PITPNC1: variants seen among roughly 807,000 people sequenced by gnomAD.
The protein encoded by PITPNC1 is phosphatidylinositol transfer protein cytoplasmic 1.
In PITPNC1, 18 loss-of-function variants were observed where a neutral mutation model predicts 44.7. That is an observed-to-expected ratio of 0.40 (90% CI 0.28 to 0.60). The LOEUF (loss-of-function observed/expected upper bound fraction) is 0.60. PITPNC1 is among the 20% of genes least tolerant of loss of function. The pLI, the probability that PITPNC1 is intolerant of heterozygous loss-of-function variation, is 0.39. For synonymous variants in PITPNC1, 141 were observed against 149.6 expected (o/e 0.94, Z 0.42); for missense variants, 290 against 418.4 (o/e 0.69, Z 2.68).
intron 1 of PITPNC1, chr17:67,459,714 T>G (rs2039308964): frequency 6.6e-6 from 1 of 152,200 alleles, no homozygotes; most frequent in Non-Finnish European, 1.5e-5. Flanking sequence ...GGGCATCACT[T>G]TCTATGCTGT....
chr17:67,409,511 C>T (rs1380015503), intron 1 of PITPNC1, among the ~76,000 whole-genome samples: 1 of 152,088 alleles, frequency 6.6e-6, no homozygotes, highest in Non-Finnish European at 1.5e-5. Context: ...GAAATTGCTG[C>T]ATATAACTAC....
intron 8 of PITPNC1, among the ~76,000 whole-genome samples, chr17:67,679,442 C>A (rs918470960): frequency 2.6e-5 from 4 of 152,224 alleles, no homozygotes; most frequent in African/African-American, 4.8e-5. Flanking sequence ...TTTGCCTCCT[C>A]TGCTGTGTGT....
At chr17:67,478,550 T>C (rs1598723827) in intron 1 of PITPNC1, among the ~76,000 whole-genome samples, 1 of 152,204 alleles carries the variant, frequency 6.6e-6, no homozygotes, top group East Asian at 1.9e-4. Context: ...ATTTCTCCTC[T>C]TTTCCAAGCT....
At chr17:67,384,478 T>G (rs2143783916) in intron 1 of PITPNC1, among the ~76,000 whole-genome samples, 1 of 150,886 alleles carries the variant, frequency 6.6e-6, no homozygotes, top group East Asian at 2.0e-4. Flanking sequence ...CAGGCCAGAG[T>G]GCAGTGGCGC....
intron 5 of PITPNC1, among the ~76,000 whole-genome samples, chr17:67,579,299 T>G (rs991915766): frequency 1.3e-5 from 2 of 152,234 alleles, no homozygotes; most frequent in Admixed American, 6.5e-5. Flanking sequence ...AAGCCTCACC[T>G]GGGATTAGGC....
chr17:67,428,528 A>G (rs907439213), intron 1 of PITPNC1, among the ~76,000 whole-genome samples: 1 of 150,802 alleles, frequency 6.6e-6, no homozygotes, highest in Non-Finnish European at 1.5e-5. Context: ...GTGAGACCCT[A>G]TCTCAAAAAG....
intron 1 of PITPNC1, among the ~76,000 whole-genome samples, chr17:67,464,150 G>A (rs977160276): frequency 1.4e-4 from 21 of 150,958 alleles, no homozygotes; most frequent in South Asian, 4.2e-4. Context: ...CAGAGATCAC[G>A]CCACTGCACT....
intron 8 of PITPNC1, among the ~76,000 whole-genome samples, chr17:67,686,429 T>C (rs1203753457): frequency 2.0e-5 from 3 of 151,926 alleles, no homozygotes; most frequent in African/African-American, 7.3e-5. Context: ...TATTTTTAGA[T>C]CAGTGTGGGT....
intron 7 of PITPNC1, 54 bp downstream of exon 7, chr17:67,669,717 G>A (rs2042480585): frequency 2.3e-6 from 3 of 1,302,336 alleles, no homozygotes; most frequent in South Asian, 1.3e-5. Context: ...TGTCTATATT[G>A]CCAAATTGGA....
At chr17:67,385,879 C>A (rs2038040756) in intron 1 of PITPNC1, among the ~76,000 whole-genome samples, 1 of 152,128 alleles carries the variant, frequency 6.6e-6, no homozygotes, top group African/African-American at 2.4e-5. Flanking sequence ...TTGACTCTGT[C>A]CATGAAGGAA....
intron 8 of PITPNC1, among the ~76,000 whole-genome samples, chr17:67,687,485 G>A (rs556059428): frequency 1.6e-4 from 25 of 152,300 alleles, no homozygotes; most frequent in African/African-American, 6.0e-4. Flanking sequence ...AAGAGCAGAG[G>A]AGTGAAAATC....
At chr17:67,534,910 C>T (rs1459478475) in intron 2 of PITPNC1, among the ~76,000 whole-genome samples, 1 of 152,130 alleles carries the variant, frequency 6.6e-6, no homozygotes, top group African/African-American at 2.4e-5. Flanking sequence ...CTGAGAGGAA[C>T]CATATTTAGA....
intron 8 of PITPNC1, among the ~76,000 whole-genome samples, chr17:67,688,427 G>A (rs2144468689): frequency 6.6e-6 from 1 of 151,324 alleles, no homozygotes; most frequent in African/African-American, 2.4e-5. Flanking sequence ...AAGACCTTCT[G>A]ATTGCACTTT....
intron 8 of PITPNC1, among the ~76,000 whole-genome samples, chr17:67,692,275 C>G (rs2537844): frequency 0.085 from 12,878 of 152,172 alleles, 986 homozygotes; most frequent in African/African-American, 0.2. Context: ...ATATTTCCCC[C>G]GTCTAGTTCT....
At chr17:67,656,524 T>TA (rs1178980198) in intron 6 of PITPNC1, among the ~76,000 whole-genome samples, 2 of 152,196 alleles carry the variant, frequency 1.3e-5, no homozygotes, top group Admixed American at 1.3e-4. Context: ...CGTTCATAGA[T>TA]AGATACTAGG....
intron 1 of PITPNC1, among the ~76,000 whole-genome samples, chr17:67,433,254 T>G (rs893921567): frequency 2.6e-5 from 4 of 152,072 alleles, no homozygotes; most frequent in African/African-American, 9.7e-5. Flanking sequence ...AAGCCAGACC[T>G]AGAAAGGAGG....
chr17:67,433,769 G>T (rs1438549884), intron 1 of PITPNC1, among the ~76,000 whole-genome samples: 2 of 152,076 alleles, frequency 1.3e-5, no homozygotes, highest in African/African-American at 4.8e-5. Context: ...GCTGACGCAG[G>T]AGGATCACTT....
At chr17:67,627,038 A>G (rs1019859597) in intron 5 of PITPNC1, among the ~76,000 whole-genome samples, 2 of 146,544 alleles carry the variant, frequency 1.4e-5, no homozygotes, top group African/African-American at 5.0e-5. Context: ...TGGGTGGACC[A>G]TCTGAGTTCT....
chr17:67,522,829 A>T (rs1319100913), intron 1 of PITPNC1, among the ~76,000 whole-genome samples: 1 of 151,456 alleles, frequency 6.6e-6, no homozygotes, highest in African/African-American at 2.4e-5. Context: ...TGCCCAGCTG[A>T]GTTTTTATTT....
Sources: allele counts gnomAD v4.1 joint callset (sites outside exome capture counted in the v4.1 genomes callset), GRCh38; gene constraint gnomAD v4.1.1; transcripts MANE v1.5; gene names NCBI Gene and HGNC (gene_info 2026-07-23, HGNC 2026-07-21).